Variants in SLF1 observed in about 807,000 individuals in gnomAD.
SLF1 encodes the protein SMC5/6 complex localization factor 1.
A neutral mutation model predicts 123.0 loss-of-function variants in SLF1; 105 were observed. The ratio of observed to expected loss-of-function variants is 0.85; its 90% CI spans 0.73 to 1.00. SLF1 has a LOEUF of 1.00. Among genes scored for constraint, SLF1 ranks in the 50% least tolerant of loss-of-function variants. The pLI, the probability that SLF1 is intolerant of heterozygous loss-of-function variation, is 0.00. For missense variants in SLF1, 1,239 were observed against 1,223.0 expected (o/e 1.01, Z -0.20); for synonymous variants, 434 against 406.6 (o/e 1.07, Z -0.81).
intron 2 of SLF1, 62 bp from the exon 3 acceptor site, chr5:94,629,030 G>C (rs1186433458): frequency 3.5e-6 from 5 of 1,430,110 alleles, no homozygotes; most frequent in Non-Finnish European, 4.7e-6. Context: ...GCAATAAAAA[G>C]GATGTGTCAT....
At position 94,671,889 on chromosome 5, in the gene SLF1, T is replaced by C. The variant is rs566104877; in HGVS notation, c.1827+881T>C. 8.5e-5 allele frequency among the ~76,000 whole-genome samples: 13 copies of C among 152,132 alleles called. No homozygotes were observed. In the South Asian group the frequency reaches 1.9e-3, roughly 22 times the overall value. ...TAAAAGATGTTTTAAGATTTCTAGA[T>C]AGATGGGTTTTGTTTGTTTGGCTGT... On this transcript the variant is annotated intron_variant, in intron 14 of 20. Transcript: ENST00000265140.
chr5:94,667,007 A>G (rs929706738), intron 12 of SLF1, among the ~76,000 whole-genome samples: 1 of 135,620 alleles, frequency 7.4e-6, no homozygotes, highest in South Asian at 2.3e-4. Flanking sequence ...GGAGGTTCAT[A>G]GTGGAGAAAG....
At chr5:94,682,678 C>G (rs1359822406) in intron 15 of SLF1, among the ~76,000 whole-genome samples, 1 of 152,166 alleles carries the variant, frequency 6.6e-6, no homozygotes, top group Non-Finnish European at 1.5e-5. Context: ...TTTTTTCCAT[C>G]AGATCTCATG....
chr5:94,647,898 CT>C (rs2152476888), intron 5 of SLF1, among the ~76,000 whole-genome samples: 2 of 152,228 alleles, frequency 1.3e-5, no homozygotes, highest in Admixed American at 6.5e-5. Context: ...TATCATACAT[CT>C]TAATTTACAG....
chr5:94,639,154 C>T (rs533791461), intron 4 of SLF1, among the ~76,000 whole-genome samples: 1 of 149,686 alleles, frequency 6.7e-6, no homozygotes, highest in Admixed American at 6.8e-5. Flanking sequence ...GATGCTCCTG[C>T]CTCAGCTTCC....
intron 15 of SLF1, among the ~76,000 whole-genome samples, chr5:94,680,706 C>G (rs535412303): frequency 6.6e-6 from 1 of 152,258 alleles, no homozygotes; most frequent in Non-Finnish European, 1.5e-5. Context: ...AATAATGAGC[C>G]TTGTATTAAA....
chr5:94,635,079 G>A (rs988909773), intron 4 of SLF1, among the ~76,000 whole-genome samples: 1 of 152,054 alleles, frequency 6.6e-6, no homozygotes, highest in African/African-American at 2.4e-5. Flanking sequence ...TTTGTTGGCT[G>A]AGCTTTGGAG....
intron 4 of SLF1, among the ~76,000 whole-genome samples, chr5:94,641,369 G>C (rs545309789): frequency 2.0e-4 from 31 of 152,248 alleles, no homozygotes; most frequent in Non-Finnish European, 3.1e-4. Context: ...GCAGCAGGAA[G>C]GTTCTCATCA....
rs948882973 is a variant in SLF1 at position 94,692,928 on chromosome 5, T to A, written c.2695+672T>A. Reference sequence around the variant, plus strand: ...TCATTCTTCTTATATCTAAACTGAATAATATAAATTTTACAACAAAATGTT... The same window carrying A: ...TCATTCTTCTTATATCTAAACTGAAAAATATAAATTTTACAACAAAATGTT... On this transcript the variant is annotated intron_variant, in intron 20 of 20. Transcript: ENST00000265140. Among the ~76,000 whole-genome samples, 21 of 152,154 alleles carry A rather than the reference T, an allele frequency of 1.4e-4. 1 individual carries two copies. Among genetic ancestry groups the A allele is most frequent in the African/African-American group, 5.1e-4 (21 of 41,444 alleles).
At chr5:94,644,491 G>A (rs751133081) in intron 5 of SLF1, among the ~76,000 whole-genome samples, 7 of 152,084 alleles carry the variant, frequency 4.6e-5, no homozygotes, top group Non-Finnish European at 8.8e-5. Context: ...ATTGTATCCT[G>A]CTTCACTCTT....
At chr5:94,620,874 A>C (rs558334206) in intron 1 of SLF1, among the ~76,000 whole-genome samples, 2 of 152,332 alleles carry the variant, frequency 1.3e-5, no homozygotes, top group South Asian at 4.1e-4. Flanking sequence ...TTGAAATTTA[A>C]AATACACTGT....
Position 94,651,692 on chromosome 5 carries a change from A to G in SLF1, c.739-10A>G. The G allele has an allele frequency of 1.3e-6, 2 of 1,515,110 alleles. No individual in the cohort carries two copies. The highest frequency in any genetic ancestry group is 2.6e-5 in the South Asian group (2 of 77,322). 93.9% of individuals were successfully genotyped at this position (1,515,110 alleles called of 1,614,324 possible). A position where few individuals can be genotyped will look rare whatever the true frequency, so the allele number is the denominator to read the frequency against. On this transcript the variant is annotated splice_polypyrimidine_tract_variant and intron_variant, in intron 6 of 20. Coordinates refer to ENST00000265140, the MANE Select transcript of SLF1 (RefSeq NM_032290.4). ...ACAGTCTTAACTAAATTATGTTTACAAACACGCAGAAAGAAATGCAAAATC... is the reference window on the plus strand; with the variant it reads ...ACAGTCTTAACTAAATTATGTTTACGAACACGCAGAAAGAAATGCAAAATC...
intron 12 of SLF1, 22 bp from the exon 13 acceptor site, chr5:94,670,128 AT>A (rs756760792): frequency 1.3e-6 from 2 of 1,525,160 alleles, no homozygotes; most frequent in Non-Finnish European, 1.8e-6. Flanking sequence ...TATGTTATAG[AT>A]TTTTGGGTTC....
intron 4 of SLF1, among the ~76,000 whole-genome samples, chr5:94,636,437 C>G (rs534941887): frequency 2.0e-5 from 3 of 152,020 alleles, no homozygotes; most frequent in African/African-American, 7.2e-5. Flanking sequence ...TTCCCATAGG[C>G]TTTCTTCATC....
chr5:94,688,450 T>A (rs1752698099), intron 16 of SLF1, 56 bp from the exon 17 acceptor site: 3 of 1,536,980 alleles, frequency 2.0e-6, no homozygotes, highest in Non-Finnish European at 2.7e-6. Flanking sequence ...TCAAATAATT[T>A]CTCTTTACTG....
intron 11 of SLF1, 149 bp downstream of exon 11, chr5:94,664,057 CT>C (rs1468407192): frequency 1.2e-5 from 8 of 677,052 alleles, no homozygotes; most frequent in African/African-American, 1.1e-4. Flanking sequence ...TTTATTACTA[CT>C]GTTCTGTTTT....
intron 9 of SLF1, among the ~76,000 whole-genome samples, chr5:94,659,700 G>T (rs942419428): frequency 7.2e-5 from 11 of 152,132 alleles, no homozygotes; most frequent in African/African-American, 2.4e-4. Context: ...GTGGTCCTTG[G>T]GCAGCACTGG....
At chr5:94,626,812 CA>C (rs1057277575) in intron 1 of SLF1, among the ~76,000 whole-genome samples, 31 of 152,256 alleles carry the variant, frequency 2.0e-4, no homozygotes, top group African/African-American at 6.7e-4. Flanking sequence ...ACCTTCTTTG[CA>C]AATATGCAGA....
chr5:94,686,777 TTTTATTTATTTAGTTA>T, intron 16 of SLF1, 59 bp downstream of exon 16: 1 of 1,494,266 alleles, frequency 6.7e-7, no homozygotes, highest in East Asian at 2.3e-5. Flanking sequence ...ACAAACTCAA[TTTTATTTATTTAGTTA>T]TTTATTTATT....
Sources: allele counts gnomAD v4.1 joint callset (sites outside exome capture counted in the v4.1 genomes callset), GRCh38; gene constraint gnomAD v4.1.1; transcripts MANE v1.5; gene names NCBI Gene and HGNC (gene_info 2026-07-23, HGNC 2026-07-21).